UBR1: variants seen among roughly 807,000 people sequenced by gnomAD.
UBR1 encodes the protein E3 ubiquitin-protein ligase UBR1.
UBR1 carries 102 observed loss-of-function variants against 242.1 expected under a neutral mutation model. The ratio of observed to expected loss-of-function variants is 0.42; its 90% CI spans 0.36 to 0.50. UBR1 has a LOEUF of 0.50. UBR1 is among the 20% of genes least tolerant of loss of function. The probability of loss-of-function intolerance (pLI) is 0.01; values close to 1 mark genes in which losing one functional copy is unlikely to be tolerated. For synonymous variants in UBR1, 675 were observed against 684.8 expected, an observed-to-expected ratio of 0.99 and a Z score of 0.22; for missense variants, 1,772 against 2,101.8, an observed-to-expected ratio of 0.84 and a Z score of 3.07.
chr15:43,066,888 T>C (rs1442518159), intron 6 of UBR1, among the ~76,000 whole-genome samples: 2 of 152,158 alleles, frequency 1.3e-5, no homozygotes, highest in Non-Finnish European at 2.9e-5. Context: ...CCTCCCAAAG[T>C]GCTAGAAGTA....
At chr15:43,102,152 G>A (rs2034245313) in intron 1 of UBR1, among the ~76,000 whole-genome samples, 1 of 152,068 alleles carries the variant, frequency 6.6e-6, no homozygotes, top group African/African-American at 2.4e-5. Context: ...AACTGAGGAT[G>A]CAGATATCAT....
Position 42,977,070 on chromosome 15 carries a change from T to C in UBR1, c.4219-203A>G, listed in dbSNP as rs563537622. On this transcript the variant is annotated intron_variant, in intron 38 of 46. Coordinates refer to ENST00000290650, the MANE Select transcript of UBR1 (RefSeq NM_174916.3). ...ATGGAGGACGATGATCACCACCAAA[T>C]AGGTTATCCCTTTGCTGTGTCTACT... Among the ~76,000 whole-genome samples, 6 of 152,282 alleles carry C rather than the reference T, an allele frequency of 3.9e-5. No homozygotes were observed. In the East Asian group the frequency reaches 7.7e-4, roughly 20 times the overall value.
intron 35 of UBR1, among the ~76,000 whole-genome samples, chr15:42,986,668 T>C (rs1423119187): frequency 6.6e-6 from 1 of 152,236 alleles, no homozygotes; most frequent in Non-Finnish European, 1.5e-5. Flanking sequence ...TAAACTGATG[T>C]ATTATCCTAT....
chr15:43,035,083 A>G (rs1210844258), intron 19 of UBR1, among the ~76,000 whole-genome samples: 4 of 152,170 alleles, frequency 2.6e-5, no homozygotes, highest in Admixed American at 6.5e-5. Flanking sequence ...GTGCAATCCT[A>G]TATAGTTATT....
intron 1 of UBR1, among the ~76,000 whole-genome samples, chr15:43,089,500 A>AAAAT (rs201033072): frequency 0.019 from 2,833 of 152,248 alleles, 104 homozygotes; most frequent in African/African-American, 0.065. Flanking sequence ...ATCTCAACCA[A>AAAAT]AAATAAATAA....
rs191947977 is a variant in UBR1 at position 42,972,483 on chromosome 15, C to T, written c.4370-1876G>A. On this transcript the variant is annotated intron_variant, in intron 39 of 46. Transcript: ENST00000290650. ...TCCTGGGTTCCAGCGATTCTCCTGCCTCAGCCTCCTGAGTAGCTGGGATTA... is the reference window on the plus strand; with the variant it reads ...TCCTGGGTTCCAGCGATTCTCCTGCTTCAGCCTCCTGAGTAGCTGGGATTA... 4.4e-3 allele frequency among the ~76,000 whole-genome samples: 672 copies of T among 152,194 alleles called. 8 individuals are homozygous for T. Among genetic ancestry groups the T allele is most frequent in the African/African-American group, 0.016 (646 of 41,516 alleles).
chr15:43,002,765 C>G, intron 31 of UBR1, 61 bp from the exon 32 acceptor site: 1 of 1,597,598 alleles, frequency 6.3e-7, no homozygotes, highest in Non-Finnish European at 8.6e-7. Context: ...ACATGTGTAT[C>G]TCTACTTGCT....
chr15:42,995,216 T>C (rs2032619038), intron 33 of UBR1, among the ~76,000 whole-genome samples: 1 of 152,202 alleles, frequency 6.6e-6, no homozygotes, highest in Admixed American at 6.5e-5. Context: ...GCTGAATTTT[T>C]GAGACCTAAA....
In UBR1 at chr15:42,998,268, GA is replaced by G; in HGVS notation, c.3660-4del. On this transcript the variant is annotated splice_region_variant and splice_polypyrimidine_tract_variant and intron_variant, in intron 32 of 46. Coordinates refer to ENST00000290650, the MANE Select transcript of UBR1 (RefSeq NM_174916.3). ...GAGCAAGAGCATCTGCATTCTCACT[GA>G]AAAATGATATTTAAAAATTATTACA... 1 of 1,612,300 alleles carries G rather than the reference GA, an allele frequency of 6.2e-7. No individual in the cohort carries two copies. The highest frequency in any genetic ancestry group is 8.5e-7 in the Non-Finnish European group (1 of 1,178,556).
At chr15:43,076,451 G>A (rs879358698) in intron 3 of UBR1, among the ~76,000 whole-genome samples, 14 of 151,466 alleles carry the variant, frequency 9.2e-5, no homozygotes, top group Non-Finnish European at 1.6e-4. Flanking sequence ...TCCCATCTAG[G>A]AAGCGAGGAG....
rs1383281014 is a variant in UBR1 at position 42,970,546 on chromosome 15, A to G, written c.4431T>C (p.Phe1477=). The stretch of plus-strand genomic sequence containing the variant: ...CACTTGTATATTGAGAAATTTCTGC[A>G]AAGAAAGAAGATGCGGAATGAGCCT... ...SEEAHSASSF[F]AEISQYTSGS... is the part of the protein sequence containing the mutation. The change falls in exon 40 of 47, where the codon TTT becomes TTC. Residue 1477 remains phenylalanine, a synonymous_variant. Coordinates refer to ENST00000290650, the MANE Select transcript of UBR1 (RefSeq NM_174916.3). The G allele has an allele frequency of 6.2e-7, 1 of 1,613,656 alleles. No homozygotes were observed. Among genetic ancestry groups the G allele is most frequent in the African/African-American group, 1.3e-5 (1 of 74,938 alleles).
intron 12 of UBR1, among the ~76,000 whole-genome samples, chr15:43,051,627 A>T (rs914843723): frequency 6.6e-6 from 1 of 152,224 alleles, no homozygotes; most frequent in Non-Finnish European, 1.5e-5. Flanking sequence ...TTGCATTCAC[A>T]TTAAAATCTG....
intron 30 of UBR1, among the ~76,000 whole-genome samples, chr15:43,005,180 A>G (rs75274752): frequency 1.3e-5 from 2 of 148,702 alleles, no homozygotes; most frequent in Admixed American, 6.7e-5. Flanking sequence ...CCCTCCGCCC[A>G]GCAGCCGCCC....
At chr15:43,014,963 G>A (rs2032995366) in intron 29 of UBR1, among the ~76,000 whole-genome samples, 1 of 150,338 alleles carries the variant, frequency 6.7e-6, no homozygotes, top group African/African-American at 2.5e-5. Flanking sequence ...TGCCCTGTCA[G>A]GGAGGGAGGT....
At position 42,966,220 on chromosome 15, in the gene UBR1, A is replaced by T. The variant is rs374049779; in HGVS notation, c.4524T>A (p.Tyr1508Ter). 6.8e-6 allele frequency: 11 copies of T among 1,614,044 alleles called. No homozygotes were observed. Among genetic ancestry groups the T allele is most frequent in the Non-Finnish European group, 9.3e-6 (11 of 1,180,040 alleles). Residue 1508 changes from tyrosine (Y) to a stop codon, truncating the protein, a stop_gained, in exon 41 of 47, where the codon TAT becomes TAA. Transcript: ENST00000290650. LOFTEE classifies it high-confidence loss of function. ...WVSLKNGITP[Y>*]LRCAALFFHY... The stretch of plus-strand genomic sequence containing the variant: ...GGAAAAACAATGCAGCACAGCGAAG[A>T]TAAGGGGTGATGCCATTCTTCAGTG...
Position 43,002,608 on chromosome 15 carries a change from A to G in UBR1, c.3606T>C (p.Ser1202=). The change falls in exon 32 of 47, where the codon TCT becomes TCC. Residue 1202 remains serine (S), a synonymous_variant. Coordinates refer to ENST00000290650, the MANE Select transcript of UBR1 (RefSeq NM_174916.3). ...TAATGGGGATCACAGTATTGCACAG[A>G]GATTTGCAAAGAGGGCAAAGATATT... ...SGEYLCPLCK[S]LCNTVIPIIP... 6.2e-7 allele frequency: 1 copy of G among 1,614,182 alleles called. No individual in the cohort carries two copies. The highest frequency in any genetic ancestry group is 1.1e-5 in the South Asian group (1 of 91,092).
At chr15:43,008,054 G>A (rs763932745) in intron 29 of UBR1, among the ~76,000 whole-genome samples, 1 of 152,192 alleles carries the variant, frequency 6.6e-6, no homozygotes, top group East Asian at 1.9e-4. Flanking sequence ...TGTGAAGCTA[G>A]GCACTGTTTC....
intron 12 of UBR1, among the ~76,000 whole-genome samples, chr15:43,050,978 G>C (rs2033548334): frequency 6.6e-6 from 1 of 152,150 alleles, no homozygotes; most frequent in African/African-American, 2.4e-5. Flanking sequence ...CTGTTGGTAG[G>C]AGCATAAATT....
chr15:43,020,094 C>G (rs1472013066), intron 27 of UBR1, among the ~76,000 whole-genome samples: 1 of 152,008 alleles, frequency 6.6e-6, no homozygotes, highest in African/African-American at 2.4e-5. Context: ...GGCTGGAGTG[C>G]AGTGGTGCGA....
Sources: gnomAD v4.1 joint callset for allele counts (sites outside exome capture counted in the v4.1 genomes callset) on GRCh38, gnomAD v4.1.1 for gene constraint, MANE v1.5 for transcripts, NCBI Gene and HGNC (gene_info 2026-07-23, HGNC 2026-07-21) for gene names.